The following TCEAL4 variants were observed in gnomAD, a reference collection of about 807,000 sequenced individuals.
TCEAL4 encodes transcription elongation factor A protein-like 4.
In TCEAL4, 1 loss-of-function variant was observed where a neutral mutation model predicts 1.3. The observed-to-expected ratio is 0.79, with a 90% CI of 0.28 to 3.76. The LOEUF is 3.76. TCEAL4 is among the 30% of genes most tolerant of loss of function. The probability of loss-of-function intolerance (pLI) is 0.18; values close to 1 mark genes in which losing one functional copy is unlikely to be tolerated. For synonymous variants in TCEAL4, 54 were observed against 50.7 expected (o/e 1.06, Z -0.28); for missense variants, 129 against 154.7 (o/e 0.83, Z 0.88).
exon 1 of TCEAL4, chrX:103,576,391 C>T: frequency 1.7e-6 from 2 of 1,149,942 alleles, no homozygotes; most frequent in Non-Finnish European, 2.3e-6. Context: ...CAAATTACTC[C>T]AAAATTTAAT....
At chrX:103,583,100 C>T (rs184065899), upstream of TCEAL4, among the ~76,000 whole-genome samples, 37 of 111,472 alleles carry the variant, frequency 3.3e-4, no homozygotes, top group African/African-American at 9.1e-4. Flanking sequence ...ATACATGAGG[C>T]CAAAAAACAT....
At chrX:103,585,456 T>C (rs2073531032), upstream of TCEAL4, 2 of 1,075,593 alleles carry the variant, frequency 1.9e-6, no homozygotes, top group African/African-American at 3.8e-5. Flanking sequence ...TGGAAGCGGC[T>C]GGCTAGGAGG....
upstream of TCEAL4, among the ~76,000 whole-genome samples, chrX:103,585,023 A>T (rs1350956936): frequency 8.9e-6 from 1 of 112,920 alleles, no homozygotes; most frequent in Non-Finnish European, 1.9e-5. Flanking sequence ...CTATTTTCGT[A>T]TGTGGTCTGG....
chrX:103,579,453 C>T (rs1323290716), intron 2 of TCEAL4, among the ~76,000 whole-genome samples: 3 of 112,155 alleles, frequency 2.7e-5, no homozygotes, highest in African/African-American at 9.7e-5. Context: ...TTTCTTTCAA[C>T]AATTTTTTTT....
At chrX:103,577,505 A>G (rs1295992049) in intron 2 of TCEAL4, among the ~76,000 whole-genome samples, 1 of 111,816 alleles carries the variant, frequency 8.9e-6, no homozygotes, top group Non-Finnish European at 1.9e-5. Flanking sequence ...GCATAGAAAA[A>G]TTTAGTAAAA....
At chrX:103,586,558 G>T (rs2073550901) in intron 2 of TCEAL4, 91 bp from the exon 3 acceptor site, 2 of 1,070,321 alleles carry the variant, frequency 1.9e-6, no homozygotes, top group Middle Eastern at 3.0e-4. Flanking sequence ...GGGGTGAGAT[G>T]CAAGTACTAT....
At chrX:103,582,532 C>G (rs1200913657), upstream of TCEAL4, among the ~76,000 whole-genome samples, 1 of 112,050 alleles carries the variant, frequency 8.9e-6, no homozygotes, top group Non-Finnish European at 1.9e-5. Flanking sequence ...GTAAACAAAA[C>G]AGCATGGTAC....
chrX:103,585,831 C>T (rs1603162390), intron 1 of TCEAL4: 1 of 1,048,080 alleles, frequency 9.5e-7, no homozygotes, highest in Non-Finnish European at 1.3e-6. Context: ...AAGGCGAGCA[C>T]CCCCAAGTAT....
At chrX:103,583,934 AT>A (rs562711558), upstream of TCEAL4, among the ~76,000 whole-genome samples, 111 of 108,369 alleles carry the variant, frequency 1.0e-3, no homozygotes, top group Admixed American at 2.8e-3. Flanking sequence ...TCAAATATTA[AT>A]TTTTTTTTTT....
chrX:103,580,614 A>G (rs1332261226), upstream of TCEAL4, among the ~76,000 whole-genome samples: 1 of 110,745 alleles, frequency 9.0e-6, no homozygotes, highest in African/African-American at 3.3e-5. Flanking sequence ...GCGCCACCAC[A>G]CTGGGCTAAA....
In TCEAL4 at chrX:103,587,684, A is replaced by C. The variant is rs1409340014; in HGVS notation, c.*361A>C. On this transcript the variant is annotated 3_prime_UTR_variant, in exon 3 of 3. Coordinates refer to ENST00000472484, the MANE Select transcript of TCEAL4 (RefSeq NM_001006935.3). Reference sequence around the variant, plus strand: ...ATCTGTCCATTTTTCTCCTAAAAACAGATTTCTTTAGTCATAAAAATAATA... The same window carrying C: ...ATCTGTCCATTTTTCTCCTAAAAACCGATTTCTTTAGTCATAAAAATAATA... 14 of 162,797 alleles carry C rather than the reference A, an allele frequency of 8.6e-5. No individual in the cohort carries two copies. 13.4% of individuals were successfully genotyped at this position (162,797 alleles called of 1,213,427 possible).
At position 103,585,530 on chromosome X, in the gene TCEAL4, T is replaced by C. The variant is rs2073532172; in HGVS notation, c.-195T>C. 2.6e-6 allele frequency: 3 copies of C among 1,152,739 alleles called. No individual in the cohort carries two copies. Among genetic ancestry groups the C allele is most frequent in the Non-Finnish European group, 2.3e-6 (2 of 863,752 alleles). The allele number at this position is 1,152,739 out of a possible 1,213,427, so 95.0% of individuals were successfully genotyped here. On this transcript the variant is annotated 5_prime_UTR_variant, in exon 1 of 3. An upstream open reading frame in the 5' UTR loses its in-frame stop. Coordinates refer to ENST00000472484, the MANE Select transcript of TCEAL4 (RefSeq NM_001006935.3). Reference sequence around the variant, plus strand: ...CACGTGATCTGCACGGGCGCAGATGTAGGCACCGGTCCGAGTGCCTGCCCT... The same window carrying C: ...CACGTGATCTGCACGGGCGCAGATGCAGGCACCGGTCCGAGTGCCTGCCCT...
chrX:103,577,062 A>G, intron 1 of TCEAL4: 1 of 1,150,546 alleles, frequency 8.7e-7, no homozygotes, highest in Middle Eastern at 2.4e-4. Context: ...AAAGTGATTT[A>G]CACTGTATTA....
Position 103,576,550 on chromosome X carries a change from G to A in TCEAL4, c.63+18G>A. On this transcript the variant is annotated intron_variant, in intron 1 of 4. Coordinates refer to the TCEAL4 transcript ENST00000372629. ...AGGCCAGGGTGAGTAGATCACCTGA[G>A]GTCAGGAGTTTGAGGCCAGCCTGGC... 6 of 969,099 alleles carry A rather than the reference G, an allele frequency of 6.2e-6. No individual in the cohort carries two copies. In the South Asian group the frequency reaches 8.6e-5, roughly 14 times the overall value. The allele number at this position is 969,099 out of a possible 1,213,427, so 79.9% of individuals were successfully genotyped here.
chrX:103,587,104 G>C lies in TCEAL4; in HGVS notation c.429G>C (p.Glu143Asp). The change falls in exon 3 of 3, where the codon GAG (glutamate) becomes GAC (aspartate). Residue 143 changes from glutamate to aspartate, a missense_variant. Transcript: ENST00000472484. The stretch of plus-strand genomic sequence containing the variant: ...CTCATTACCTCAAGGAGTATAAAGA[G>C]GCCATACATGATATGAATTTCAGCA... ...GLAHYLKEYKEAIHDMNFSNE... is the reference protein window; with the variant it reads ...GLAHYLKEYKDAIHDMNFSNE... 1 of 1,211,168 alleles carries C rather than the reference G, an allele frequency of 8.3e-7. No homozygotes were observed. The highest frequency in any genetic ancestry group is 1.1e-6 in the Non-Finnish European group (1 of 895,391).
At chrX:103,585,873 C>T in intron 1 of TCEAL4, 2 of 1,050,755 alleles carry the variant, frequency 1.9e-6, no homozygotes, top group Non-Finnish European at 1.3e-6. Context: ...ATCCTCTTCT[C>T]TGCCCTCCGT....
intron 1 of TCEAL4, 116 bp downstream of exon 1, chrX:103,585,740 C>T (rs757652601): frequency 4.3e-6 from 5 of 1,154,872 alleles, no homozygotes; most frequent in Non-Finnish European, 5.8e-6. Context: ...GAAGCTGGCC[C>T]GAGTGTGGAC....
intron 2 of TCEAL4, among the ~76,000 whole-genome samples, chrX:103,578,374 G>A (rs1485197573): frequency 8.9e-6 from 1 of 111,843 alleles, no homozygotes; most frequent in Non-Finnish European, 1.9e-5. Flanking sequence ...GTGGATTGTT[G>A]CGTCATAAGG....
At chrX:103,582,509 C>T (rs1466862903), upstream of TCEAL4, among the ~76,000 whole-genome samples, 1 of 112,125 alleles carries the variant, frequency 8.9e-6, no homozygotes, top group Non-Finnish European at 1.9e-5. Context: ...TCTAACTATA[C>T]TACAAGGCTA....
Sources: gnomAD v4.1 joint callset for allele counts (sites outside exome capture counted in the v4.1 genomes callset) on GRCh38, gnomAD v4.1.1 for gene constraint, MANE v1.5 for transcripts, NCBI Gene and HGNC (gene_info 2026-07-23, HGNC 2026-07-21) for gene names.